KCNQ3: variants seen among roughly 807,000 people sequenced by gnomAD.
KCNQ3 encodes potassium voltage-gated channel subfamily Q member 3.
KCNQ3 carries 30 observed loss-of-function variants against 92.5 expected under a neutral mutation model. The observed-to-expected ratio is 0.32, with a 90% CI of 0.24 to 0.44. The LOEUF is 0.44. Ranked by LOEUF, KCNQ3 falls within the 20% of genes least tolerant of loss-of-function variation. The pLI is 1.00. For missense variants in KCNQ3, 913 were observed against 1,140.3 expected, an observed-to-expected ratio of 0.80 and a Z score of 2.87; for synonymous variants, 450 against 468.8, an observed-to-expected ratio of 0.96 and a Z score of 0.52.
intron 1 of KCNQ3, among the ~76,000 whole-genome samples, chr8:132,230,849 C>T (rs1397065496): frequency 6.6e-6 from 1 of 152,154 alleles, no homozygotes; most frequent in South Asian, 2.1e-4. Flanking sequence ...GTGTAATAAG[C>T]TCAACTGTGT....
At chr8:132,357,007 T>TAACAACAACAACAACAACAAC (rs111426424) in intron 1 of KCNQ3, among the ~76,000 whole-genome samples, 6 of 150,332 alleles carry the variant, frequency 4.0e-5, no homozygotes, top group African/African-American at 1.2e-4. Context: ...ACTATTTTAT[T>TAACAACAACAACAACAACAAC]AACAACAACA....
chr8:132,381,646 C>T (rs980513204), intron 1 of KCNQ3, among the ~76,000 whole-genome samples: 1 of 152,220 alleles, frequency 6.6e-6, no homozygotes, highest in Non-Finnish European at 1.5e-5. Context: ...TATTGCCAGG[C>T]ACTGTTCTAG....
At chr8:132,164,970 C>T (rs1826100177) in intron 8 of KCNQ3, among the ~76,000 whole-genome samples, 1 of 152,196 alleles carries the variant, frequency 6.6e-6, no homozygotes, top group African/African-American at 2.4e-5. Flanking sequence ...AGGGCCCATG[C>T]TCTTAATGAA....
At chr8:132,355,781 T>G (rs1563876215) in intron 1 of KCNQ3, among the ~76,000 whole-genome samples, 1 of 152,174 alleles carries the variant, frequency 6.6e-6, no homozygotes, top group Non-Finnish European at 1.5e-5. Context: ...AAACACAGAC[T>G]TTATCACTTA....
chr8:132,414,249 A>C lies in KCNQ3; in HGVS notation c.386+65898T>G, dbSNP rs140168569. On this transcript the variant is annotated intron_variant, in intron 1 of 14. Coordinates refer to ENST00000388996, the MANE Select transcript of KCNQ3 (RefSeq NM_004519.4). ...GCCCCTGGTCCCACAGGTTCCTCTG[A>C]TCTCCAGAAGATGTGCTTGCCCCTG... Among the ~76,000 whole-genome samples the C allele has an allele frequency of 2.0e-3, 310 of 152,280 alleles. 3 individuals are homozygous for C. The highest frequency in any genetic ancestry group is 0.012 in the South Asian group (58 of 4,826).
chr8:132,458,016 G>A (rs979037627), intron 1 of KCNQ3, among the ~76,000 whole-genome samples: 3 of 152,116 alleles, frequency 2.0e-5, no homozygotes, highest in African/African-American at 7.2e-5. Flanking sequence ...GTCTTTGAAG[G>A]TAGAAGCCCT....
chr8:132,279,331 C>G (rs1305898589), intron 1 of KCNQ3, among the ~76,000 whole-genome samples: 2 of 152,070 alleles, frequency 1.3e-5, no homozygotes, highest in African/African-American at 4.8e-5. Flanking sequence ...GTGATTTTAC[C>G]GTGCAGCATG....
intron 13 of KCNQ3, among the ~76,000 whole-genome samples, chr8:132,133,323 G>T (rs1824944495): frequency 1.4e-5 from 2 of 141,378 alleles, no homozygotes; most frequent in African/African-American, 2.6e-5. Flanking sequence ...ATATTAAGTT[G>T]CTTTCTATCA....
intron 1 of KCNQ3, among the ~76,000 whole-genome samples, chr8:132,474,098 T>A (rs1474286483): frequency 6.6e-6 from 1 of 152,102 alleles, no homozygotes; most frequent in Non-Finnish European, 1.5e-5. Context: ...ATGAGATGAA[T>A]GCCAAGATGA....
chr8:132,217,467 T>G (rs1042723266), intron 1 of KCNQ3, among the ~76,000 whole-genome samples: 1 of 151,976 alleles, frequency 6.6e-6, no homozygotes, highest in Admixed American at 6.6e-5. Context: ...TCCCAGCACT[T>G]TGGGAGGCCG....
In KCNQ3 at chr8:132,384,579, A is replaced by G. The variant is rs181950579; in HGVS notation, c.386+95568T>C. On this transcript the variant is annotated intron_variant, in intron 1 of 14. Transcript: ENST00000388996. ...TAATGGGAAAAGGTTGCAACCCAAGAATTCTATACCTGTCAGCTGGTCATT... is the reference window on the plus strand; with the variant it reads ...TAATGGGAAAAGGTTGCAACCCAAGGATTCTATACCTGTCAGCTGGTCATT... Among the ~76,000 whole-genome samples, 82 of 152,282 alleles carry G rather than the reference A, an allele frequency of 5.4e-4. 1 individual carries two copies. Among genetic ancestry groups the G allele is most frequent in the African/African-American group, 2.0e-3 (82 of 41,558 alleles).
intron 1 of KCNQ3, among the ~76,000 whole-genome samples, chr8:132,479,699 A>C (rs1822498742): frequency 6.7e-6 from 1 of 149,486 alleles, no homozygotes; most frequent in Admixed American, 6.7e-5. Context: ...ATCCCCAACT[A>C]AACTCAGTGG....
intron 1 of KCNQ3, among the ~76,000 whole-genome samples, chr8:132,297,754 C>T (rs1348939587): frequency 1.7e-4 from 8 of 46,056 alleles, no homozygotes; most frequent in African/African-American, 3.6e-4. Context: ...CTGGAGAAGG[C>T]TACATGGCCA....
At chr8:132,274,393 A>T (rs564165506) in intron 1 of KCNQ3, among the ~76,000 whole-genome samples, 1 of 152,290 alleles carries the variant, frequency 6.6e-6, no homozygotes, top group South Asian at 2.1e-4. Context: ...ATTACCTCCC[A>T]CTGGGTCCCT....
intron 1 of KCNQ3, among the ~76,000 whole-genome samples, chr8:132,447,908 C>A (rs752510192): frequency 3.3e-5 from 5 of 152,174 alleles, no homozygotes; most frequent in Non-Finnish European, 5.9e-5. Flanking sequence ...TCACCCCCAG[C>A]GACTTATAAA....
At chr8:132,238,158 G>A (rs1053597435) in intron 1 of KCNQ3, among the ~76,000 whole-genome samples, 1 of 152,132 alleles carries the variant, frequency 6.6e-6, no homozygotes, top group African/African-American at 2.4e-5. Flanking sequence ...CCCTTTCGGT[G>A]CACTAAATTA....
At chr8:132,188,884 T>G (rs1827075459) in intron 1 of KCNQ3, among the ~76,000 whole-genome samples, 1 of 152,202 alleles carries the variant, frequency 6.6e-6, no homozygotes, top group East Asian at 1.9e-4. Context: ...TGACCATATG[T>G]CCAAGTTTAT....
intron 1 of KCNQ3, among the ~76,000 whole-genome samples, chr8:132,257,485 C>T (rs1291061500): frequency 6.6e-6 from 1 of 151,968 alleles, no homozygotes; most frequent in Non-Finnish European, 1.5e-5. Context: ...GTGGCTCATG[C>T]CTGTAATCCC....
intron 1 of KCNQ3, chr8:132,321,691 T>C (rs1259544688): frequency 2.6e-5 from 4 of 152,240 alleles, no homozygotes; most frequent in African/African-American, 4.8e-5. Flanking sequence ...GGTTACTCCA[T>C]GTGATTTACA....
Sources: gnomAD v4.1 joint callset for allele counts (sites outside exome capture counted in the v4.1 genomes callset) on GRCh38, gnomAD v4.1.1 for gene constraint, MANE v1.5 for transcripts, NCBI Gene and HGNC (gene_info 2026-07-23, HGNC 2026-07-21) for gene names.